DNAH11: variants seen among roughly 807,000 people sequenced by gnomAD.
The protein encoded by DNAH11 is dynein axonemal heavy chain 11, also known as axonemal beta dynein heavy chain 11.
A neutral mutation model predicts 526.0 loss-of-function variants in DNAH11; 442 were observed. The observed-to-expected ratio is 0.84, with a 90% CI of 0.78 to 0.91. The LOEUF (loss-of-function observed/expected upper bound fraction) is 0.91. Ranked by LOEUF, DNAH11 falls within the 40% of genes least tolerant of loss-of-function variation. The pLI, the probability that DNAH11 is intolerant of heterozygous loss-of-function variation, is 0.00. For missense variants in DNAH11, 6,989 were observed against 5,448.7 expected (o/e 1.28, Z -8.90); for synonymous variants, 2,461 against 1,935.9 (o/e 1.27, Z -7.12).
In DNAH11 at chr7:21,765,578, A is replaced by C; in HGVS notation, c.9091A>C (p.Lys3031Gln). 1.9e-6 allele frequency: 3 copies of C among 1,567,384 alleles called. No homozygotes were observed. Among genetic ancestry groups the C allele is most frequent in the Non-Finnish European group, 2.6e-6 (3 of 1,147,870 alleles). The part of the protein sequence containing the change: ...SVSRRFIEET[K>Q]GIEPVHKDSI... The stretch of plus-strand genomic sequence containing the variant: ...CAGCAGGAGGTTCATTGAGGAAACC[A>C]AGGGAATTGAGGTATGCCGTGTCAG... Residue 3031 changes from lysine to glutamine, a missense_variant, in exon 55 of 82, where the codon AAG becomes CAG. Transcript: ENST00000409508.
chr7:21,691,758 G>C (rs28713222), intron 35 of DNAH11, among the ~76,000 whole-genome samples: 3,863 of 152,008 alleles, frequency 0.025, 95 homozygotes, highest in East Asian at 0.15. Context: ...ATTTTATGTA[G>C]CTCTAAAATA....
intron 73 of DNAH11, among the ~76,000 whole-genome samples, chr7:21,872,784 T>G (rs1050431965): frequency 6.6e-6 from 1 of 152,248 alleles, no homozygotes; most frequent in South Asian, 2.1e-4. Context: ...TTGCTTCCCT[T>G]ATTTCCTTTT....
intron 32 of DNAH11, among the ~76,000 whole-genome samples, chr7:21,686,695 A>G (rs1290335322): frequency 2.0e-5 from 3 of 152,180 alleles, no homozygotes; most frequent in Non-Finnish European, 4.4e-5. Flanking sequence ...AATACAGCCA[A>G]TGTTTAATTC....
At chr7:21,559,899 G>A in intron 4 of DNAH11, 107 bp downstream of exon 4, 1 of 954,404 alleles carries the variant, frequency 1.0e-6, no homozygotes, top group Non-Finnish European at 1.5e-6. Flanking sequence ...TAATTTACTG[G>A]TCTGCCCTCT....
At position 21,717,855 on chromosome 7, in the gene DNAH11, C is replaced by T; in HGVS notation, c.7064C>T (p.Pro2355Leu). The T allele has an allele frequency of 1.2e-6, 2 of 1,613,912 alleles. No homozygotes were observed. The highest frequency in any genetic ancestry group is 1.1e-5 in the South Asian group (1 of 91,078). ...ACTATTCTTTTTGATAAATATGTCC[C>T]TGCATGCTTGGATAAACTGAGAACA... is the stretch of plus-strand genomic sequence containing the variant. ...NLTILFDKYVPACLDKLRTSF... is the reference protein window; with the variant it reads ...NLTILFDKYVLACLDKLRTSF... Residue 2355 changes from proline to leucine, a missense_variant, in exon 43 of 82, where the codon CCT becomes CTT. Transcript: ENST00000409508.
chr7:21,750,425 C>T, intron 54 of DNAH11, 61 bp downstream of exon 54: 1 of 1,533,420 alleles, frequency 6.5e-7, no homozygotes, highest in Non-Finnish European at 8.8e-7. Context: ...CTCTCTGGTT[C>T]TATTCTGAGT....
chr7:21,654,772 A>G (rs1339628796), intron 28 of DNAH11, among the ~76,000 whole-genome samples: 3 of 152,160 alleles, frequency 2.0e-5, no homozygotes, highest in African/African-American at 4.8e-5. Context: ...GTCTACCTCA[A>G]GAGAGATGAT....
chr7:21,648,225 A>G (rs964019147), intron 28 of DNAH11, among the ~76,000 whole-genome samples: 4 of 152,252 alleles, frequency 2.6e-5, no homozygotes, highest in African/African-American at 9.6e-5. Flanking sequence ...AACAAAGTGC[A>G]TAAAGAACCA....
At chr7:21,564,452 T>TA (rs748199344) in intron 6 of DNAH11, 55 bp downstream of exon 6, 733 of 1,343,390 alleles carry the variant, frequency 5.5e-4, no homozygotes, top group Non-Finnish European at 7.1e-4. Flanking sequence ...AGGTAGGTTT[T>TA]ACGAGACTAG....
chr7:21,815,580 C>G, intron 63 of DNAH11, among the ~76,000 whole-genome samples: 1 of 152,098 alleles, frequency 6.6e-6, no homozygotes, highest in Non-Finnish European at 1.5e-5. Flanking sequence ...AGGTAGGGTT[C>G]TTACTACAGT....
intron 12 of DNAH11, among the ~76,000 whole-genome samples, chr7:21,590,407 C>T (rs1234697339): frequency 2.0e-5 from 3 of 152,128 alleles, no homozygotes; most frequent in Non-Finnish European, 4.4e-5. Context: ...CACAAAATGC[C>T]TTAAACATCT....
At chr7:21,705,742 A>G (rs1042816435) in intron 39 of DNAH11, among the ~76,000 whole-genome samples, 13 of 152,206 alleles carry the variant, frequency 8.5e-5, no homozygotes, top group Non-Finnish European at 1.6e-4. Flanking sequence ...AGAACAAGAA[A>G]CAAATAGAGG....
chr7:21,750,740 A>G (rs1786377364), intron 54 of DNAH11, among the ~76,000 whole-genome samples: 1 of 152,202 alleles, frequency 6.6e-6, no homozygotes, highest in African/African-American at 2.4e-5. Context: ...CCTGGAGGAA[A>G]TGATGGGCCA....
intron 1 of DNAH11, among the ~76,000 whole-genome samples, chr7:21,543,950 C>T (rs987117244): frequency 8.5e-5 from 13 of 152,124 alleles, no homozygotes; most frequent in Admixed American, 3.9e-4. Context: ...GCTCTTGGGT[C>T]ACTCTGGAGT....
At chr7:21,606,891 G>T (rs894067338) in intron 20 of DNAH11, among the ~76,000 whole-genome samples, 158 bp downstream of exon 20, 1 of 152,084 alleles carries the variant, frequency 6.6e-6, no homozygotes, top group Admixed American at 6.6e-5. Flanking sequence ...TAAGTAAATT[G>T]TATTGTATTT....
intron 20 of DNAH11, among the ~76,000 whole-genome samples, chr7:21,607,748 G>A (rs191763472): frequency 7.3e-5 from 11 of 151,678 alleles, no homozygotes; most frequent in African/African-American, 1.4e-4. Context: ...TGGCCAACAC[G>A]GTGAAACCCC....
Position 21,742,032 on chromosome 7 carries a change from T to C in DNAH11, c.8020T>C (p.Ser2674Pro). ...TTTCCAACAGCAAGCATTTGCTCCATCAATTCTCAGGAGTGGCCCCACTTT... is the reference window on the plus strand; with the variant it reads ...TTTCCAACAGCAAGCATTTGCTCCACCAATTCTCAGGAGTGGCCCCACTTT... ...FHFQQQAFAP[S>P]ILRSGPTLIQ... The change falls in exon 49 of 82, where the codon TCA (serine) becomes CCA (proline). Residue 2674 changes from serine to proline, a missense_variant. Ser to Pro is a moderately conservative substitution (Grantham distance 74). Transcript: ENST00000409508. 1 of 1,613,956 alleles carries C rather than the reference T, an allele frequency of 6.2e-7. No homozygotes were observed. Among genetic ancestry groups the C allele is most frequent in the Non-Finnish European group, 8.5e-7 (1 of 1,179,872 alleles).
intron 30 of DNAH11, among the ~76,000 whole-genome samples, chr7:21,672,287 C>G (rs1583580719): frequency 6.6e-6 from 1 of 152,112 alleles, no homozygotes; most frequent in Non-Finnish European, 1.5e-5. Flanking sequence ...ACTTCTAGCT[C>G]CAGACTACTT....
At chr7:21,896,436 G>A (rs1411550617) in intron 79 of DNAH11, among the ~76,000 whole-genome samples, 1 of 152,162 alleles carries the variant, frequency 6.6e-6, no homozygotes, top group Non-Finnish European at 1.5e-5. Flanking sequence ...TTTGATTGTA[G>A]AGGGTGGATC....
Sources: allele counts gnomAD v4.1 joint callset (sites outside exome capture counted in the v4.1 genomes callset), GRCh38; gene constraint gnomAD v4.1.1; transcripts MANE v1.5; gene names NCBI Gene and HGNC (gene_info 2026-07-23, HGNC 2026-07-21).